The following FBXO11 variants were observed in gnomAD, a reference collection of about 807,000 sequenced individuals.
FBXO11 encodes F-box only protein 11.
Under a neutral mutation model 117.0 loss-of-function variants are expected in FBXO11, and 13 were observed. The observed-to-expected ratio is 0.11, with a 90% CI of 0.07 to 0.18. FBXO11 has a LOEUF of 0.18. Among genes scored for constraint, FBXO11 ranks in the 10% least tolerant of loss-of-function variants. The pLI, the probability that FBXO11 is intolerant of heterozygous loss-of-function variation, is 1.00. For synonymous variants in FBXO11, 490 were observed against 380.5 expected (o/e 1.29, Z -3.35); for missense variants, 767 against 1,164.4 (o/e 0.66, Z 4.97).
intron 1 of FBXO11, among the ~76,000 whole-genome samples, chr2:47,878,274 C>G (rs908719577): frequency 6.6e-5 from 10 of 152,144 alleles, no homozygotes. Context: ...TGCAGACGAC[C>G]TCTCAGAGGC....
intron 1 of FBXO11, among the ~76,000 whole-genome samples, chr2:47,893,166 T>TAAATAAATAAATAAATAAA (rs1553359424): frequency 7.1e-6 from 1 of 141,478 alleles, no homozygotes; most frequent in Non-Finnish European, 1.6e-5. Flanking sequence ...AAAAAATAAA[T>TAAATAAATAAATAAATAAA]TAAATAAATA....
intron 1 of FBXO11, chr2:47,865,796 T>A (rs1675151050): frequency 6.6e-6 from 1 of 152,160 alleles, no homozygotes; most frequent in Admixed American, 6.5e-5. Flanking sequence ...CTTAGCTATA[T>A]GATTGTGGGC....
intron 16 of FBXO11, 137 bp from the exon 17 acceptor site, chr2:47,814,004 T>C (rs1341946677): frequency 6.3e-6 from 4 of 636,490 alleles, no homozygotes; most frequent in Non-Finnish European, 1.1e-5. Flanking sequence ...CAAGATGCCC[T>C]GAGAAGAAAG....
intron 1 of FBXO11, among the ~76,000 whole-genome samples, chr2:47,843,365 G>A (rs572315531): frequency 6.6e-6 from 1 of 151,492 alleles, no homozygotes; most frequent in Non-Finnish European, 1.5e-5. Context: ...GTTGAGGGTG[G>A]TGGTGGTTTA....
chr2:47,828,018 A>C (rs1001532677), intron 11 of FBXO11, among the ~76,000 whole-genome samples: 2 of 151,994 alleles, frequency 1.3e-5, no homozygotes, highest in Non-Finnish European at 2.9e-5. Flanking sequence ...GAAGACGGGA[A>C]TCTCCCTGTC....
chr2:47,835,791 C>T (rs1672517342), intron 5 of FBXO11, 81 bp downstream of exon 5: 1 of 1,165,780 alleles, frequency 8.6e-7, no homozygotes, highest in Non-Finnish European at 1.2e-6. Flanking sequence ...AGCCACCACG[C>T]CCAGCCTAAA....
intron 1 of FBXO11, among the ~76,000 whole-genome samples, chr2:47,871,320 C>G (rs1675608737): frequency 6.6e-6 from 1 of 152,158 alleles, no homozygotes; most frequent in Admixed American, 6.5e-5. Flanking sequence ...ACACTGAAGC[C>G]TCTTGCCAAC....
At chr2:47,859,041 CAAAAAAAA>C (rs11337552) in intron 1 of FBXO11, among the ~76,000 whole-genome samples, 1 of 103,180 alleles carries the variant, frequency 9.7e-6, no homozygotes. Context: ...ACTCTGTCTC[CAAAAAAAA>C]AAAAAAAAAG....
At chr2:47,839,857 C>G (rs1249189231) in intron 1 of FBXO11, 88 bp from the exon 2 acceptor site, 2 of 1,180,558 alleles carry the variant, frequency 1.7e-6, no homozygotes, top group Non-Finnish European at 2.4e-6. Flanking sequence ...ACTTCAAATT[C>G]GGGAGGGAGC....
chr2:47,839,178 G>C (rs879813866), intron 3 of FBXO11, among the ~76,000 whole-genome samples, 175 bp from the exon 4 acceptor site: 1 of 151,406 alleles, frequency 6.6e-6, no homozygotes, highest in Non-Finnish European at 1.5e-5. Flanking sequence ...ACTAACAAAA[G>C]TACTCCTTCT....
chr2:47,814,132 C>G (rs1670836660), intron 16 of FBXO11: 2 of 334,160 alleles, frequency 6.0e-6, no homozygotes, highest in African/African-American at 4.2e-5. Flanking sequence ...ATATATTCCC[C>G]TCATATGTAA....
At chr2:47,836,869 A>G in intron 4 of FBXO11, 1 of 331,048 alleles carries the variant, frequency 3.0e-6, no homozygotes, top group Non-Finnish European at 5.9e-6. Context: ...TTGCAGCCTT[A>G]ACCTCCCAGG....
At chr2:47,853,414 T>C (rs1674031221) in intron 1 of FBXO11, among the ~76,000 whole-genome samples, 1 of 152,218 alleles carries the variant, frequency 6.6e-6, no homozygotes. Context: ...TGTCATATTT[T>C]ATTCAAATAT....
intron 1 of FBXO11, among the ~76,000 whole-genome samples, chr2:47,889,416 T>G (rs1255530287): frequency 1.3e-5 from 2 of 152,202 alleles, no homozygotes; most frequent in Non-Finnish European, 2.9e-5. Flanking sequence ...AATGAAGGTT[T>G]TCTAGTGTGC....
intron 1 of FBXO11, chr2:47,888,681 T>TC (rs1444522450): frequency 1.2e-4 from 118 of 983,856 alleles, no homozygotes; most frequent in Non-Finnish European, 1.4e-4. Flanking sequence ...AGACAGTTTT[T>TC]CAGCCATTGC....
intron 1 of FBXO11, among the ~76,000 whole-genome samples, chr2:47,854,155 A>G (rs1674091362): frequency 6.6e-6 from 1 of 152,210 alleles, no homozygotes; most frequent in South Asian, 2.1e-4. Flanking sequence ...GAAAAAACAC[A>G]CAAAAGAGAA....
At chr2:47,811,636 CTAA>C (rs1006846210) in intron 18 of FBXO11, 3 of 152,252 alleles carry the variant, frequency 2.0e-5, no homozygotes, top group East Asian at 1.9e-4. Context: ...ACTGACCTTA[CTAA>C]TGTTTTCCAG....
intron 1 of FBXO11, among the ~76,000 whole-genome samples, chr2:47,841,336 C>T (rs1452288651): frequency 2.6e-5 from 4 of 152,080 alleles, no homozygotes; most frequent in African/African-American, 4.8e-5. Context: ...AGAAACATTC[C>T]AGTAATGAAG....
intron 1 of FBXO11, among the ~76,000 whole-genome samples, chr2:47,849,713 AAG>A (rs1673707844): frequency 6.6e-6 from 1 of 152,214 alleles, no homozygotes; most frequent in East Asian, 1.9e-4. Flanking sequence ...AGATTTTCTG[AAG>A]AAAGTCCAAG....
Sources: gnomAD v4.1 joint callset for allele counts (sites outside exome capture counted in the v4.1 genomes callset) on GRCh38, gnomAD v4.1.1 for gene constraint, MANE v1.5 for transcripts, NCBI Gene and HGNC (gene_info 2026-07-23, HGNC 2026-07-21) for gene names.